TLN1: variants seen among roughly 807,000 people sequenced by gnomAD.
The protein encoded by TLN1 is talin-1.
Under a neutral mutation model 292.3 loss-of-function variants are expected in TLN1, and 56 were observed. The observed-to-expected ratio is 0.19, with a 90% confidence interval of 0.15 to 0.24. The LOEUF is 0.24. TLN1 is among the 10% of genes least tolerant of loss of function. The pLI, the probability that TLN1 is intolerant of heterozygous loss-of-function variation, is 1.00. For missense variants in TLN1, 2,433 were observed against 3,248.2 expected (o/e 0.75, Z 6.10); for synonymous variants, 1,119 against 1,253.7 (o/e 0.89, Z 2.27).
Position 35,720,525 on chromosome 9 carries a change from A to C in TLN1, c.1207-16T>G, listed in dbSNP as rs1313613425. 1 of 1,613,056 alleles carries C rather than the reference A, an allele frequency of 6.2e-7. No individual in the cohort carries two copies. The highest frequency in any genetic ancestry group is 8.5e-7 in the Non-Finnish European group (1 of 1,179,122). ...TGCTTTTTTTCTGTAGGAAGGAAAA[A>C]GGAACAAGAGTTGGGATAGTTAAAG... On this transcript the variant is annotated splice_polypyrimidine_tract_variant and intron_variant, in intron 11 of 56. Coordinates refer to ENST00000314888, the MANE Select transcript of TLN1 (RefSeq NM_006289.4).
intron 20 of TLN1, among the ~76,000 whole-genome samples, chr9:35,716,005 T>C (rs1377902196): frequency 6.6e-6 from 1 of 152,140 alleles, no homozygotes; most frequent in Non-Finnish European, 1.5e-5. Flanking sequence ...CTGATTACTA[T>C]ACATGTATTG....
Position 35,697,565 on chromosome 9 carries a change from T to C in TLN1, c.*226A>G, listed in dbSNP as rs983951990. The C allele has an allele frequency of 4.0e-5, 24 of 603,280 alleles. No homozygotes were observed. The highest frequency in any genetic ancestry group is 6.0e-5 in the Non-Finnish European group (21 of 348,472). 37.4% of individuals were successfully genotyped at this position (603,280 alleles called of 1,614,324 possible). A position where few individuals can be genotyped will look rare whatever the true frequency, so the allele number is the denominator to read the frequency against. ...AATAATACTCTTGGAGCGTTAATAC[T>C]CTGGGGAGGGGCAGGCACTTGGGGG... On this transcript the variant is annotated 3_prime_UTR_variant, in exon 57 of 57. Transcript: ENST00000314888.
rs773380469 is a variant in TLN1, at chr9:35,720,470, C to T, written c.1246G>A (p.Glu416Lys). ...KDHFGLEGDE[E>K]STMLEDSVSP... ...ACTGAGTCCTCCAGCATAGTAGACT[C>T]CTCATCTCCTTCCAGCCCAAAGTGA... The change falls in exon 12 of 57, where the codon GAG (glutamate) becomes AAG (lysine). Residue 416 changes from glutamate (E) to lysine (K), a missense_variant. Coordinates refer to ENST00000314888, the MANE Select transcript of TLN1 (RefSeq NM_006289.4). The T allele has an allele frequency of 3.1e-6, 5 of 1,614,170 alleles. No homozygotes were observed. Among genetic ancestry groups the T allele is most frequent in the Non-Finnish European group, 4.2e-6 (5 of 1,180,038 alleles).
chr9:35,725,306 A>G lies in TLN1; in HGVS notation c.146T>C (p.Leu49Pro). 6.2e-7 allele frequency: 1 copy of G among 1,614,136 alleles called. No individual in the cohort carries two copies. The highest frequency in any genetic ancestry group is 1.1e-5 in the South Asian group (1 of 91,076). Residue 49 changes from leucine to proline, a missense_variant, in exon 3 of 57, where the codon CTC becomes CCC. By Grantham distance (98) the Leu-to-Pro change is moderately conservative. Coordinates refer to ENST00000314888, the MANE Select transcript of TLN1 (RefSeq NM_006289.4). ...APAGPPSDFG[L>P]FLSDDDPKKG... ...TTTGGGGTCATCATCTGACAGAAAG[A>G]GCCCAAAGTCGCTGGCTAAAAGAGA...
chr9:35,707,236 C>A lies in TLN1; in HGVS notation c.4791G>T (p.Glu1597Asp). The A allele has an allele frequency of 6.2e-7, 1 of 1,603,510 alleles. No individual in the cohort carries two copies. The highest frequency in any genetic ancestry group is 8.5e-7 in the Non-Finnish European group (1 of 1,172,996). Residue 1597 changes from glutamate (E) to aspartate (D), a missense_variant, in exon 37 of 57, where the codon GAG becomes GAT. This residue lies in a region of TLN1 where 1,384 missense variants were observed against 1,699.6 expected (regional missense o/e 0.81). Coordinates refer to ENST00000314888, the MANE Select transcript of TLN1 (RefSeq NM_006289.4). The surrounding 1 kb of genome is among the most constrained non-coding windows in gnomAD (Gnocchi z 5.6). ...QISPEGRAAM[E>D]PIVISAKTML... The stretch of plus-strand genomic sequence containing the variant: ...TTGTCTTGGCAGAGATCACAATGGG[C>A]TCCATGGCAGCCCGACCCTGGGGAG...
chr9:35,715,002 C>A, intron 21 of TLN1, 57 bp downstream of exon 21: 1 of 1,611,976 alleles, frequency 6.2e-7, no homozygotes, highest in South Asian at 1.1e-5. Flanking sequence ...CCTTTCAGTT[C>A]ATTCCTCCCA....
rs1825656819 is a variant in TLN1, at chr9:35,710,901, G to C, written c.4114-15C>G. On this transcript the variant is annotated splice_polypyrimidine_tract_variant and intron_variant, in intron 31 of 56. Coordinates refer to ENST00000314888, the MANE Select transcript of TLN1 (RefSeq NM_006289.4). Reference sequence around the variant, plus strand: ...TCCCGGACCGTCTGTGTAGGGGGAGGGCAAAGTGAGATCCAAGACACCTCC... The same window carrying C: ...TCCCGGACCGTCTGTGTAGGGGGAGCGCAAAGTGAGATCCAAGACACCTCC... The C allele has an allele frequency of 6.2e-7, 1 of 1,613,968 alleles. No individual in the cohort carries two copies. The highest frequency in any genetic ancestry group is 8.5e-7 in the Non-Finnish European group (1 of 1,180,012).
rs1563939869 is a variant in TLN1 at position 35,705,644 on chromosome 9, C to T, written c.5640G>A (p.Glu1880=). 2 of 1,610,670 alleles carry T rather than the reference C, an allele frequency of 1.2e-6. No homozygotes were observed. Among genetic ancestry groups the T allele is most frequent in the Non-Finnish European group, 1.7e-6 (2 of 1,177,110 alleles). ...GCTGGTTAGCAAGAGGGCCCAGCTCCTCTGGGCTGGTGTTTGACTTGGTAA... is the reference window on the plus strand; with the variant it reads ...GCTGGTTAGCAAGAGGGCCCAGCTCTTCTGGGCTGGTGTTTGACTTGGTAA... ...EMVTKSNTSP[E]ELGPLANQLT... Residue 1880 remains glutamate, a synonymous_variant, in exon 43 of 57, where the codon GAG becomes GAA. Transcript: ENST00000314888.
chr9:35,709,886 C>CAAAAAAA (rs546437173), intron 33 of TLN1, among the ~76,000 whole-genome samples: 5 of 12,864 alleles, frequency 3.9e-4, no homozygotes, highest in East Asian at 1.8e-3. Context: ...AACTCGGTCT[C>CAAAAAAA]AAAAAAAAAA....
At position 35,720,881 on chromosome 9, in the gene TLN1, T is replaced by C; in HGVS notation, c.1137A>G (p.Ser379=). 3 of 1,614,148 alleles carry C rather than the reference T, an allele frequency of 1.9e-6. No homozygotes were observed. The highest frequency in any genetic ancestry group is 2.5e-6 in the Non-Finnish European group (3 of 1,179,980). Residue 379 remains serine, a synonymous_variant, in exon 11 of 57, where the codon TCA becomes TCG. Coordinates refer to ENST00000314888, the MANE Select transcript of TLN1 (RefSeq NM_006289.4). ...TCTGCTCCCCTTCAGTTGTCTGTACTGAGTAATAGCCATCTTGGTAATCTC... is the reference window on the plus strand; with the variant it reads ...TCTGCTCCCCTTCAGTTGTCTGTACCGAGTAATAGCCATCTTGGTAATCTC... ...DFGDYQDGYY[S]VQTTEGEQIA... is the part of the protein sequence containing the mutation.
In TLN1 at chr9:35,717,298, G is replaced by C. The variant is rs762079887; in HGVS notation, c.2306C>G (p.Ala769Gly). 6.2e-7 allele frequency: 1 copy of C among 1,614,162 alleles called. No individual in the cohort carries two copies. Among genetic ancestry groups the C allele is most frequent in the South Asian group, 1.1e-5 (1 of 91,086 alleles). The change falls in exon 19 of 57, where the codon GCA becomes GGA. Residue 769 changes from alanine to glycine, a missense_variant. Ala to Gly is a moderately conservative substitution (Grantham distance 60, BLOSUM62 0). Coordinates refer to ENST00000314888, the MANE Select transcript of TLN1 (RefSeq NM_006289.4). The surrounding 1 kb of genome is among the most constrained non-coding windows in gnomAD (Gnocchi z 4.7). ...EDGQLLRGVGAAATAVTQALN... is the reference protein window; with the variant it reads ...EDGQLLRGVGGAATAVTQALN... Reference sequence around the variant, plus strand: ...GGCCTGGGTGACAGCTGTGGCTGCTGCTCCTACCCCTCGCAACAGTTGCCC... The same window carrying C: ...GGCCTGGGTGACAGCTGTGGCTGCTCCTCCTACCCCTCGCAACAGTTGCCC...
chr9:35,723,877 T>C (rs1825920946), intron 7 of TLN1, 75 bp downstream of exon 7: 2 of 1,583,878 alleles, frequency 1.3e-6, no homozygotes, highest in Non-Finnish European at 1.7e-6. Context: ...AGGCTTGGAA[T>C]GGAGACAGGC....
At position 35,698,009 on chromosome 9, in the gene TLN1, T is replaced by C. The variant is rs1253190558; in HGVS notation, c.7500+35A>G. The C allele has an allele frequency of 6.2e-7, 1 of 1,614,128 alleles. No individual in the cohort carries two copies. Among genetic ancestry groups the C allele is most frequent in the Non-Finnish European group, 8.5e-7 (1 of 1,180,016 alleles). On this transcript the variant is annotated intron_variant, in intron 56 of 56. Coordinates refer to ENST00000314888, the MANE Select transcript of TLN1 (RefSeq NM_006289.4). The surrounding 1 kb of genome is among the most constrained non-coding windows in gnomAD (Gnocchi z 5.3). ...AGCGCAGGCAACATGACTGCCCTCC[T>C]GACAGCGTCCCTCAGCATCTGGGGT...
At chr9:35,722,773 G>A (rs1223069316) in intron 8 of TLN1, 88 bp downstream of exon 8, 56 of 1,365,988 alleles carry the variant, frequency 4.1e-5, no homozygotes, top group South Asian at 3.5e-4. Flanking sequence ...TAGGGGAGAC[G>A]GGGAGGAGGC....
Position 35,704,169 on chromosome 9 carries a change from C to T in TLN1, c.6053G>A (p.Gly2018Asp). 1 of 1,592,146 alleles carries T rather than the reference C, an allele frequency of 6.3e-7. No individual in the cohort carries two copies. The highest frequency in any genetic ancestry group is 8.6e-7 in the Non-Finnish European group (1 of 1,167,922). The change falls in exon 46 of 57, where the codon GGC (glycine) becomes GAC (aspartate). Residue 2018 changes from glycine to aspartate, a missense_variant. By Grantham distance (94) the Gly-to-Asp change is moderately conservative (BLOSUM62 -1). Transcript: ENST00000314888. The surrounding 1 kb of genome is among the most constrained non-coding windows in gnomAD (Gnocchi z 6.9). Reference sequence around the variant, plus strand: ...CAGCACCTTCGCAGTCTTCAGGATGCCCTCCCTGAGGGAGGGCCCAGCTTA... The same window carrying T: ...CAGCACCTTCGCAGTCTTCAGGATGTCCTCCCTGAGGGAGGGCCCAGCTTA... ...GTETFADHREGILKTAKVLVE... is the reference protein window; with the variant it reads ...GTETFADHREDILKTAKVLVE...
chr9:35,714,832 A>G lies in TLN1; in HGVS notation c.2799T>C (p.Ala933=), dbSNP rs762241056. The G allele has an allele frequency of 1.3e-6, 2 of 1,572,330 alleles. No homozygotes were observed. Among genetic ancestry groups the G allele is most frequent in the Middle Eastern group, 1.7e-4 (1 of 5,830 alleles). Residue 933 remains alanine, a synonymous_variant, in exon 22 of 57, where the codon GCT becomes GCC. Transcript: ENST00000314888. This position sits in a 1 kb window ranked among gnomAD's most constrained non-coding sequence, Gnocchi z 4.6. ...GGGTAGAGGCTGCGTGCTGAGCTGCAGCGATGGTCTGTGTGGCTGAGGCTG... is the reference window on the plus strand; with the variant it reads ...GGGTAGAGGCTGCGTGCTGAGCTGCGGCGATGGTCTGTGTGGCTGAGGCTG... The part of the protein sequence containing the change: ...QAAASATQTI[A]AAQHAASTPK...
chr9:35,728,876 C>G (rs1021718814), intron 1 of TLN1, among the ~76,000 whole-genome samples: 12 of 152,054 alleles, frequency 7.9e-5, no homozygotes, highest in African/African-American at 2.9e-4. Context: ...GCTCCCAGTC[C>G]ACGAGATGAG....
Position 35,724,343 on chromosome 9 carries a change from C to T in TLN1, c.512-9G>A. On this transcript the variant is annotated splice_polypyrimidine_tract_variant and intron_variant, in intron 5 of 56. Coordinates refer to ENST00000314888, the MANE Select transcript of TLN1 (RefSeq NM_006289.4). The surrounding 1 kb of genome is among the most constrained non-coding windows in gnomAD (Gnocchi z 4.7). ...ATGGTCCAGCCAGTTCACTGGGATA[C>T]AGACAGTCCCCTCAGTGCCAAACCC... The T allele has an allele frequency of 6.2e-7, 1 of 1,614,162 alleles. No individual in the cohort carries two copies. Among genetic ancestry groups the T allele is most frequent in the Non-Finnish European group, 8.5e-7 (1 of 1,180,022 alleles).
In TLN1 at chr9:35,707,655, T is replaced by C; in HGVS notation, c.4632+76A>G. 6.2e-7 allele frequency: 1 copy of C among 1,602,488 alleles called. No individual in the cohort carries two copies. Among genetic ancestry groups the C allele is most frequent in the Non-Finnish European group, 8.5e-7 (1 of 1,172,034 alleles). ...GGCAGAGGGGATTTGGTAGAAGGCT[T>C]CAGAGAATAACTGGGGGACTCGGGG... On this transcript the variant is annotated intron_variant, in intron 35 of 56. Transcript: ENST00000314888. The surrounding 1 kb of genome is among the most constrained non-coding windows in gnomAD (Gnocchi z 5.6).
Sources: allele counts gnomAD v4.1 joint callset (sites outside exome capture counted in the v4.1 genomes callset), GRCh38; gene constraint gnomAD v4.1.1; regional missense constraint gnomAD v4.1.1; non-coding constraint Gnocchi (gnomAD v3.1); transcripts MANE v1.5; gene names NCBI Gene and HGNC (gene_info 2026-07-23, HGNC 2026-07-21).